Variants in DYSF observed in about 807,000 individuals in gnomAD.
DYSF encodes the protein dysferlin, also known as dystrophy-associated fer-1-like 1.
In DYSF, 212 loss-of-function variants were observed where a neutral mutation model predicts 274.9. The ratio of observed to expected loss-of-function variants is 0.77; its 90% CI spans 0.69 to 0.86. The LOEUF (loss-of-function observed/expected upper bound fraction) is 0.86. Among genes scored for constraint, DYSF ranks in the 40% least tolerant of loss-of-function variants. The pLI is 0.00. For missense variants in DYSF, 2,666 were observed against 2,783.2 expected (o/e 0.96, Z 0.95); for synonymous variants, 1,091 against 1,078.7 (o/e 1.01, Z -0.22).
In DYSF at chr2:71,556,076, G is replaced by A. The variant is rs186637704; in HGVS notation, c.2216+5G>A. 7 of 1,560,902 alleles carry A rather than the reference G, an allele frequency of 4.5e-6. No individual in the cohort carries two copies. The East Asian group carries it at 1.6e-4, about 37-fold the overall frequency. ...TGAGCTCATCGCAGGCTGCAGGTAG[G>A]GGGGACCTGGCGCCCCTGGTGCCCA... On this transcript the variant is annotated splice_donor_5th_base_variant and intron_variant, in intron 22 of 55. Coordinates refer to ENST00000410020, the MANE Select transcript of DYSF (RefSeq NM_001130987.2).
intron 12 of DYSF, among the ~76,000 whole-genome samples, chr2:71,525,522 G>C (rs4435481): frequency 0.8 from 120,933 of 152,092 alleles, 49,422 homozygotes; most frequent in African/African-American, 0.88. Flanking sequence ...CGGCGCCCAG[G>C]CTTCCCCAGG....
intron 55 of DYSF, among the ~76,000 whole-genome samples, chr2:71,684,522 T>C (rs1341939342): frequency 1.3e-5 from 2 of 152,184 alleles, no homozygotes; most frequent in Non-Finnish European, 2.9e-5. Flanking sequence ...TGGGGAGTGC[T>C]CACTTCCCTG....
chr2:71,611,361 CCTGGGCGTGGGGG>C lies in DYSF; in HGVS notation c.4059+21_4059+33del. ...CCGCCATCGAGGTGAGCCGTCCGGGCCTGGGCGTGGGGGCTGGGAGCAGCCTGCCCTTCCCCTT... is the reference window on the plus strand; with the variant it reads ...CCGCCATCGAGGTGAGCCGTCCGGGCCTGGGAGCAGCCTGCCCTTCCCCTT... On this transcript the variant is annotated intron_variant, in intron 37 of 55. Transcript: ENST00000410020. 1 of 1,612,662 alleles carries C rather than the reference CCTGGGCGTGGGGG, an allele frequency of 6.2e-7. No homozygotes were observed. The highest frequency in any genetic ancestry group is 2.2e-5 in the East Asian group (1 of 44,880).
rs551373169 is a variant in DYSF, at chr2:71,610,732, G to T, written c.3958-513G>T. The T allele has an allele frequency of 6.1e-5, 13 of 214,864 alleles. No individual in the cohort carries two copies. The South Asian group carries it at 1.0e-3, about 17-fold the overall frequency. The allele number at this position is 214,864 out of a possible 1,614,324, so 13.3% of individuals were successfully genotyped here. A position where few individuals can be genotyped will look rare whatever the true frequency, so the allele number is the denominator to read the frequency against. On this transcript the variant is annotated intron_variant, in intron 36 of 55. Transcript: ENST00000410020. ...ACAGGGGACAGGCGTGAGAGGTGGG[G>T]GTTTGGGGCTGGAAGGTGTCTAGGG... is the stretch of plus-strand genomic sequence containing the variant.
intron 41 of DYSF, among the ~76,000 whole-genome samples, chr2:71,637,369 C>T (rs948761636): frequency 2.0e-5 from 3 of 152,144 alleles, no homozygotes; most frequent in Non-Finnish European, 2.9e-5. Context: ...GGGAAGGTAG[C>T]ACGTGGCATG....
chr2:71,579,958 C>T (rs912665716), intron 30 of DYSF, among the ~76,000 whole-genome samples: 3 of 152,220 alleles, frequency 2.0e-5, no homozygotes, highest in Non-Finnish European at 4.4e-5. Flanking sequence ...TGTCCAGCAG[C>T]ACAGCACGAG....
In DYSF at chr2:71,649,328, A is replaced by G. The variant is rs1433571176; in HGVS notation, c.4626+5265A>G. On this transcript the variant is annotated intron_variant, in intron 42 of 55. Transcript: ENST00000410020. ...TATGGAATATAGAGTAAGGACAATG[A>G]TTGACATATGATAAAATAAATACAG... Among the ~76,000 whole-genome samples, 2 of 152,164 alleles carry G rather than the reference A, an allele frequency of 1.3e-5. 1 individual carries two copies. The highest frequency in any genetic ancestry group is 4.1e-4 in the South Asian group (2 of 4,828).
rs755476936 is a variant in DYSF at position 71,589,630 on chromosome 2, C to T, written c.3440C>T (p.Ser1147Phe). Residue 1147 changes from serine to phenylalanine, a missense_variant, in exon 31 of 56, where the codon TCC becomes TTC. By Grantham distance (155) the Ser-to-Phe change is radical. Transcript: ENST00000410020. ...VMDDKSEDSM[S>F]VSTLSFGVNR... is the part of the protein sequence containing the mutation. ...GATGACAAGAGTGAAGATTCCATGT[C>T]CGTCTCCACCTTGAGCTTCGGTGTG... 41 of 1,613,978 alleles carry T rather than the reference C, an allele frequency of 2.5e-5. No individual in the cohort carries two copies. In the South Asian group the frequency reaches 4.4e-4, roughly 17 times the overall value.
intron 41 of DYSF, among the ~76,000 whole-genome samples, chr2:71,636,270 C>T (rs2094400764): frequency 6.6e-6 from 1 of 152,138 alleles, no homozygotes; most frequent in African/African-American, 2.4e-5. Context: ...ATGTACATGG[C>T]TGTTGGGTTG....
chr2:71,521,502 C>G (rs1286247398), intron 12 of DYSF, among the ~76,000 whole-genome samples: 1 of 152,196 alleles, frequency 6.6e-6, no homozygotes, highest in South Asian at 2.1e-4. Context: ...TGGTGCTCAG[C>G]AGCGCAGAAG....
At chr2:71,563,261 G>T (rs1179488607) in intron 23 of DYSF, among the ~76,000 whole-genome samples, 1 of 152,198 alleles carries the variant, frequency 6.6e-6, no homozygotes, top group Non-Finnish European at 1.5e-5. Context: ...CCTGTCAAAT[G>T]GGGCTGCCTG....
intron 44 of DYSF, among the ~76,000 whole-genome samples, chr2:71,659,738 G>A (rs924752940): frequency 6.6e-6 from 1 of 152,230 alleles, no homozygotes; most frequent in African/African-American, 2.4e-5. Context: ...GGGGAGATTT[G>A]AAGGAGGAAA....
chr2:71,519,232 C>T (rs1401811569), intron 10 of DYSF, among the ~76,000 whole-genome samples: 1 of 151,222 alleles, frequency 6.6e-6, no homozygotes, highest in African/African-American at 2.4e-5. Context: ...AAAACTAAGT[C>T]TGTTTACCTG....
intron 3 of DYSF, among the ~76,000 whole-genome samples, chr2:71,483,948 C>T (rs754037000): frequency 1.3e-5 from 2 of 151,274 alleles, no homozygotes; most frequent in Non-Finnish European, 1.5e-5. Context: ...GGGGCAGAGG[C>T]AGGACAGTCT....
At chr2:71,511,736 A>C (rs746324259) in intron 4 of DYSF, 71 bp from the exon 5 acceptor site, 10 of 958,504 alleles carry the variant, frequency 1.0e-5, no homozygotes, top group Non-Finnish European at 1.6e-5. Context: ...TGCCAGAAAC[A>C]GGGAAGATAC....
At chr2:71,517,355 G>A (rs535762373) in intron 10 of DYSF, among the ~76,000 whole-genome samples, 1 of 152,268 alleles carries the variant, frequency 6.6e-6, no homozygotes, top group Non-Finnish European at 1.5e-5. Flanking sequence ...TAGCCAGCGG[G>A]TCCAACCCAT....
chr2:71,683,567 A>G (rs11903637), intron 55 of DYSF, among the ~76,000 whole-genome samples: 3,561 of 152,370 alleles, frequency 0.023, 134 homozygotes, highest in African/African-American at 0.081. Flanking sequence ...AGTGGAGAGA[A>G]TGGTGTAATC....
intron 3 of DYSF, among the ~76,000 whole-genome samples, chr2:71,500,533 G>A (rs1390774166): frequency 6.6e-6 from 1 of 152,108 alleles, no homozygotes; most frequent in Non-Finnish European, 1.5e-5. Context: ...CATCCAAGAG[G>A]CACCCCAGGC....
intron 12 of DYSF, among the ~76,000 whole-genome samples, chr2:71,521,713 T>C (rs2087291538): frequency 1.3e-5 from 2 of 152,256 alleles, no homozygotes; most frequent in South Asian, 4.1e-4. Flanking sequence ...ACTGGCTCCT[T>C]GGCCACCTGG....
Sources: allele counts gnomAD v4.1 joint callset (sites outside exome capture counted in the v4.1 genomes callset), GRCh38; gene constraint gnomAD v4.1.1; transcripts MANE v1.5; gene names NCBI Gene and HGNC (gene_info 2026-07-23, HGNC 2026-07-21).